Variants in NALF1 observed in about 807,000 individuals in gnomAD.
NALF1 encodes family with sequence similarity 155 member A.
Under a neutral mutation model 48.4 loss-of-function variants are expected in NALF1, and 3 were observed. That is an observed-to-expected ratio of 0.06 (90% CI 0.03 to 0.16). The LOEUF is 0.16. Among genes scored for constraint, NALF1 ranks in the 10% least tolerant of loss-of-function variants. The pLI, the probability that NALF1 is intolerant of heterozygous loss-of-function variation, is 1.00. For missense variants in NALF1, 526 were observed against 571.5 expected (o/e 0.92, Z 0.81); for synonymous variants, 262 against 245.7 (o/e 1.07, Z -0.62).
intron 1 of NALF1, among the ~76,000 whole-genome samples, chr13:107,749,389 G>A (rs1876871270): frequency 6.6e-6 from 1 of 151,900 alleles, no homozygotes; most frequent in Non-Finnish European, 1.5e-5. Context: ...CAGCAGCCCC[G>A]CCTAGCAAAT....
At chr13:107,319,501 T>C (rs1189229774) in intron 1 of NALF1, among the ~76,000 whole-genome samples, 1 of 152,094 alleles carries the variant, frequency 6.6e-6, no homozygotes, top group Non-Finnish European at 1.5e-5. Context: ...AGTATACTTG[T>C]TAAAAATTGG....
At chr13:107,516,231 G>A (rs1355303180) in intron 1 of NALF1, among the ~76,000 whole-genome samples, 4 of 152,144 alleles carry the variant, frequency 2.6e-5, no homozygotes, top group Non-Finnish European at 4.4e-5. Flanking sequence ...GACAATGAGC[G>A]GAGTCAGGGT....
intron 1 of NALF1, among the ~76,000 whole-genome samples, chr13:107,645,079 T>C (rs1425327380): frequency 2.0e-5 from 3 of 152,150 alleles, no homozygotes; most frequent in African/African-American, 4.8e-5. Context: ...TTTTAGACTA[T>C]TATAAATAAT....
intron 2 of NALF1, among the ~76,000 whole-genome samples, chr13:107,178,683 C>A (rs1878991468): frequency 6.6e-6 from 1 of 152,164 alleles, no homozygotes; most frequent in Non-Finnish European, 1.5e-5. Context: ...GTGGCTCACG[C>A]ACCTAATCCC....
intron 1 of NALF1, among the ~76,000 whole-genome samples, chr13:107,489,245 A>G (rs1885378437): frequency 6.6e-6 from 1 of 152,190 alleles, no homozygotes; most frequent in South Asian, 2.1e-4. Context: ...CCATTAAACT[A>G]CCAATGACAT....
intron 1 of NALF1, among the ~76,000 whole-genome samples, chr13:107,477,644 T>C (rs915931474): frequency 1.3e-5 from 2 of 152,078 alleles, no homozygotes. Context: ...CCTTCATATC[T>C]CCTCCGTGTG....
At chr13:107,274,439 G>T (rs1177280160) in intron 1 of NALF1, among the ~76,000 whole-genome samples, 1 of 152,114 alleles carries the variant, frequency 6.6e-6, no homozygotes. Context: ...CTTGGGCATG[G>T]CAGTGCCAAC....
chr13:107,483,739 C>T (rs1449347186), intron 1 of NALF1, among the ~76,000 whole-genome samples: 1 of 152,008 alleles, frequency 6.6e-6, no homozygotes, highest in Non-Finnish European at 1.5e-5. Flanking sequence ...ATCTCTTACA[C>T]TTGTGACATT....
At chr13:107,256,145 A>C (rs1015077414) in intron 1 of NALF1, among the ~76,000 whole-genome samples, 5 of 152,212 alleles carry the variant, frequency 3.3e-5, no homozygotes, top group African/African-American at 1.2e-4. Flanking sequence ...TAAATTATAT[A>C]AATTTAGATT....
chr13:107,362,283 T>G lies in NALF1; in HGVS notation c.916-151528A>C, dbSNP rs1883076135. The stretch of plus-strand genomic sequence containing the variant: ...GTTGTATTCATTTTCTAGGGCGTGC[T>G]GTAACAAACTATGATCAACTGAGTA... On this transcript the variant is annotated intron_variant, in intron 1 of 2. Transcript: ENST00000375915. This position sits in a 1 kb window ranked among gnomAD's most constrained non-coding sequence, Gnocchi z 4.6. 1.3e-5 allele frequency among the ~76,000 whole-genome samples: 2 copies of G among 152,184 alleles called. No homozygotes were observed. Among genetic ancestry groups the G allele is most frequent in the African/African-American group, 4.8e-5 (2 of 41,446 alleles).
At chr13:107,478,232 G>A (rs1885203036) in intron 1 of NALF1, among the ~76,000 whole-genome samples, 1 of 152,062 alleles carries the variant, frequency 6.6e-6, no homozygotes, top group Admixed American at 6.6e-5. Flanking sequence ...TCTCACATAA[G>A]AAATGTGCAT....
intron 1 of NALF1, among the ~76,000 whole-genome samples, chr13:107,489,840 A>G (rs1217353202): frequency 6.6e-6 from 1 of 152,208 alleles, no homozygotes; most frequent in Non-Finnish European, 1.5e-5. Flanking sequence ...CAAACTATGC[A>G]TCTGACAAAG....
chr13:107,843,579 C>T (rs75709117), intron 1 of NALF1, among the ~76,000 whole-genome samples: 310 of 152,198 alleles, frequency 2.0e-3, no homozygotes, highest in African/African-American at 7.2e-3. Context: ...CGCAAGATCC[C>T]CAAGTGCTTC....
intron 1 of NALF1, among the ~76,000 whole-genome samples, chr13:107,721,821 C>CA (rs2138528121): frequency 6.6e-6 from 1 of 152,312 alleles, no homozygotes; most frequent in South Asian, 2.1e-4. Context: ...GAGGGAACTG[C>CA]AGCGCGGTGA....
intron 1 of NALF1, among the ~76,000 whole-genome samples, chr13:107,398,294 A>G (rs187298557): frequency 6.6e-6 from 1 of 151,974 alleles, no homozygotes; most frequent in Admixed American, 6.6e-5. Context: ...GTTACAATGG[A>G]TTCAGAAAAA....
chr13:107,310,018 G>A (rs1020746860), intron 1 of NALF1, among the ~76,000 whole-genome samples: 10 of 152,068 alleles, frequency 6.6e-5, no homozygotes, highest in East Asian at 3.9e-4. Context: ...TCCACATGGC[G>A]CTACCAATAA....
At chr13:107,778,346 G>C (rs1275881931) in intron 1 of NALF1, among the ~76,000 whole-genome samples, 1 of 152,196 alleles carries the variant, frequency 6.6e-6, no homozygotes, top group African/African-American at 2.4e-5. Flanking sequence ...AGTGTGCCCA[G>C]AGGAGGAAAT....
At chr13:107,270,826 C>A (rs967414025) in intron 1 of NALF1, among the ~76,000 whole-genome samples, 1 of 149,304 alleles carries the variant, frequency 6.7e-6, no homozygotes, top group Non-Finnish European at 1.5e-5. Context: ...CCCTCCACCC[C>A]ACAACAGGCC....
Position 107,599,286 on chromosome 13 carries a change from G to A in NALF1, c.915+266396C>T, listed in dbSNP as rs182393470. On this transcript the variant is annotated intron_variant, in intron 1 of 2. Transcript: ENST00000375915. ...AAATACAAAAAATTAGCCAGGCGTG[G>A]TGGCGGGCATCTGTAGTCCCAGCTA... Among the ~76,000 whole-genome samples, 240 of 152,258 alleles carry A rather than the reference G, an allele frequency of 1.6e-3. 1 individual carries two copies. The highest frequency in any genetic ancestry group is 5.4e-3 in the African/African-American group (226 of 41,560).
Sources: gnomAD v4.1 joint callset for allele counts (sites outside exome capture counted in the v4.1 genomes callset) on GRCh38, gnomAD v4.1.1 for gene constraint, Gnocchi (gnomAD v3.1) non-coding constraint, MANE v1.5 for transcripts, NCBI Gene and HGNC (gene_info 2026-07-23, HGNC 2026-07-21) for gene names.